Variants in SHROOM4 observed in about 807,000 individuals in gnomAD.
The protein encoded by SHROOM4 is shroom family member 4, also known as protein Shroom4.
A neutral mutation model predicts 80.3 loss-of-function variants in SHROOM4; 17 were observed. The ratio of observed to expected loss-of-function variants is 0.21; its 90% CI spans 0.14 to 0.32. The LOEUF is 0.32. Among genes scored for constraint, SHROOM4 ranks in the 10% least tolerant of loss-of-function variants. The pLI is 1.00. For synonymous variants in SHROOM4, 400 were observed against 437.5 expected (o/e 0.91, Z 1.07); for missense variants, 993 against 1,140.3 (o/e 0.87, Z 1.86).
intron 2 of SHROOM4, among the ~76,000 whole-genome samples, chrX:50,648,468 TGAA>T (rs1264184784): frequency 5.4e-5 from 6 of 112,004 alleles, no homozygotes; most frequent in African/African-American, 1.6e-4. Flanking sequence ...CATGCCAAAA[TGAA>T]GAAGAAGTAA....
intron 2 of SHROOM4, among the ~76,000 whole-genome samples, chrX:50,677,766 C>T (rs111659870): frequency 0.078 from 8,678 of 111,273 alleles, 851 homozygotes; most frequent in African/African-American, 0.27. Context: ...TCTGAAGCCA[C>T]GTCCTGGAGA....
intron 1 of SHROOM4, among the ~76,000 whole-genome samples, chrX:50,746,082 AGATT>A (rs1297032597): frequency 2.7e-5 from 3 of 111,990 alleles, no homozygotes; most frequent in African/African-American, 9.7e-5. Context: ...TTGAATTAAC[AGATT>A]TATTAATGTA....
At chrX:50,626,254 C>A (rs782757286) in intron 5 of SHROOM4, among the ~76,000 whole-genome samples, 2 of 111,741 alleles carry the variant, frequency 1.8e-5, no homozygotes, top group Admixed American at 9.4e-5. Flanking sequence ...CCTCTTACAG[C>A]TACCAACCCT....
At chrX:50,771,788 G>A (rs1199073335) in intron 1 of SHROOM4, among the ~76,000 whole-genome samples, 2 of 111,932 alleles carry the variant, frequency 1.8e-5, no homozygotes, top group Non-Finnish European at 3.8e-5. Context: ...TACACAAATG[G>A]CCACTGTTGC....
intron 2 of SHROOM4, among the ~76,000 whole-genome samples, chrX:50,672,559 T>A (rs938498149): frequency 9.0e-6 from 1 of 111,381 alleles, no homozygotes; most frequent in African/African-American, 3.3e-5. Context: ...CCAAAAGATC[T>A]AACATTCATA....
At chrX:50,789,772 T>C (rs781810601) in intron 1 of SHROOM4, among the ~76,000 whole-genome samples, 4 of 111,905 alleles carry the variant, frequency 3.6e-5, no homozygotes, top group Non-Finnish European at 5.7e-5. Context: ...AAGAGAAAGA[T>C]ACAAATAAAT....
intron 2 of SHROOM4, among the ~76,000 whole-genome samples, chrX:50,670,015 T>A (rs1158529992): frequency 1.8e-5 from 2 of 112,111 alleles, no homozygotes; most frequent in African/African-American, 3.2e-5. Flanking sequence ...AAACGGTGAA[T>A]CCCTTCCATA....
chrX:50,618,297 T>C (rs868957452), intron 5 of SHROOM4, among the ~76,000 whole-genome samples: 132 of 403 alleles, frequency 0.33, 7 homozygotes, highest in African/African-American at 0.39. Flanking sequence ...CCTTCCTTCC[T>C]TCCTTCCTTC....
chrX:50,790,223 A>C lies in SHROOM4; in HGVS notation c.117+23679T>G, dbSNP rs1935827061. Among the ~76,000 whole-genome samples the C allele has an allele frequency of 2.7e-5, 3 of 111,456 alleles. No individual in the cohort carries two copies. The Admixed American group carries it at 2.9e-4, about 11-fold the overall frequency. ...TAGAAGAAATGGATAAATTTTTAGA[A>C]ACATATGACTGACCAAGACTGTCAC... is the stretch of plus-strand genomic sequence containing the variant. On this transcript the variant is annotated intron_variant, in intron 1 of 8. Coordinates refer to ENST00000376020, the MANE Select transcript of SHROOM4 (RefSeq NM_020717.5).
chrX:50,791,866 G>A (rs1935859853), intron 1 of SHROOM4, among the ~76,000 whole-genome samples: 1 of 110,773 alleles, frequency 9.0e-6, no homozygotes, highest in Admixed American at 9.7e-5. Context: ...TATAGAGCAA[G>A]GGCACAGAAG....
chrX:50,641,880 G>A (rs1557257219), intron 2 of SHROOM4, among the ~76,000 whole-genome samples: 1 of 112,603 alleles, frequency 8.9e-6, no homozygotes, highest in Non-Finnish European at 1.9e-5. Flanking sequence ...CCAAAGTGCT[G>A]GGATTACAAG....
At position 50,607,994 on chromosome X, in the gene SHROOM4, G is replaced by T. The variant is rs184964003; in HGVS notation, c.3148C>A (p.Pro1050Thr). The change falls in exon 6 of 9, where the codon CCC (proline) becomes ACC (threonine). Residue 1050 changes from proline (P) to threonine (T), a missense_variant. Physicochemically the swap from Pro to Thr is conservative, Grantham distance 38 (BLOSUM62 -1). Coordinates refer to ENST00000376020, the MANE Select transcript of SHROOM4 (RefSeq NM_020717.5). ...AAGGCACGGCTGCGCAGTGGGTGGGGCATGGAGGCAAGGGAGCTCCCCTCC... is the reference window on the plus strand; with the variant it reads ...AAGGCACGGCTGCGCAGTGGGTGGGTCATGGAGGCAAGGGAGCTCCCCTCC... Reference protein sequence around the residue: ...YEEGSSLASMPHPLRSRAFSE... With the variant: ...YEEGSSLASMTHPLRSRAFSE... 15 of 1,210,246 alleles carry T rather than the reference G, an allele frequency of 1.2e-5. No homozygotes were observed. The South Asian group carries it at 1.6e-4, about 13-fold the overall frequency.
chrX:50,636,616 G>C (rs1281537090), intron 3 of SHROOM4, among the ~76,000 whole-genome samples: 1 of 111,573 alleles, frequency 9.0e-6, no homozygotes, highest in African/African-American at 3.3e-5. Context: ...GAAGTGAGCA[G>C]AGTACCCAAC....
chrX:50,637,762 G>A (rs1289199800), intron 3 of SHROOM4, among the ~76,000 whole-genome samples: 3 of 112,247 alleles, frequency 2.7e-5, no homozygotes, highest in African/African-American at 9.7e-5. Flanking sequence ...CTATGTGACA[G>A]AGGTAATAAA....
chrX:50,629,550 T>C (rs782043480), intron 4 of SHROOM4, among the ~76,000 whole-genome samples: 2 of 112,080 alleles, frequency 1.8e-5, no homozygotes, highest in South Asian at 7.6e-4. Context: ...TGGTGCCCAG[T>C]AGACACTGAG....
At chrX:50,746,327 C>T (rs1156651694) in intron 1 of SHROOM4, among the ~76,000 whole-genome samples, 1 of 111,672 alleles carries the variant, frequency 9.0e-6, no homozygotes, top group African/African-American at 3.3e-5. Flanking sequence ...ATTTACAAAG[C>T]TGATTGGTGG....
At chrX:50,703,009 T>A (rs1235954425) in intron 1 of SHROOM4, among the ~76,000 whole-genome samples, 2 of 111,681 alleles carry the variant, frequency 1.8e-5, no homozygotes, top group African/African-American at 6.5e-5. Flanking sequence ...TACTCATAGT[T>A]TTAATCAAGG....
rs1019101839 is a variant in SHROOM4, at chrX:50,592,077, A to G, written c.*4618T>C. 4.3e-5 allele frequency: 14 copies of G among 328,024 alleles called. No homozygotes were observed. Among genetic ancestry groups the G allele is most frequent in the African/African-American group, 3.7e-4 (14 of 37,683 alleles). 27.0% of individuals were successfully genotyped at this position (328,024 alleles called of 1,213,427 possible). A position where few individuals can be genotyped will look rare whatever the true frequency, so the allele number is the denominator to read the frequency against. On this transcript the variant is annotated 3_prime_UTR_variant, in exon 9 of 9. Transcript: ENST00000376020. ...ATTTGATCTTGTGTTTTAACCTTGT[A>G]TCCTGCAACTTTCCTAAATTCATCC...
chrX:50,625,911 T>G (rs782075889), intron 5 of SHROOM4, among the ~76,000 whole-genome samples: 3 of 112,576 alleles, frequency 2.7e-5, no homozygotes, highest in Non-Finnish European at 5.6e-5. Context: ...TCTTCTCTGC[T>G]GCTGCTGTTC....
Sources: allele counts gnomAD v4.1 joint callset (sites outside exome capture counted in the v4.1 genomes callset), GRCh38; gene constraint gnomAD v4.1.1; transcripts MANE v1.5; gene names NCBI Gene and HGNC (gene_info 2026-07-23, HGNC 2026-07-21).